The following UVRAG variants were observed in gnomAD, a reference collection of about 807,000 sequenced individuals.
UVRAG encodes UV radiation resistance associated.
Under a neutral mutation model 78.0 loss-of-function variants are expected in UVRAG, and 19 were observed. The ratio of observed to expected loss-of-function variants is 0.24; its 90% confidence interval spans 0.17 to 0.36. UVRAG has a LOEUF of 0.36. UVRAG is among the 10% of genes least tolerant of loss of function. The probability of loss-of-function intolerance (pLI) is 1.00; values close to 1 mark genes in which losing one functional copy is unlikely to be tolerated. For missense variants in UVRAG, 740 were observed against 853.8 expected (o/e 0.87, Z 1.66); for synonymous variants, 323 against 324.6 (o/e 1.00, Z 0.05).
chr11:76,084,497 A>G (rs1038551699), intron 13 of UVRAG, among the ~76,000 whole-genome samples: 1 of 152,164 alleles, frequency 6.6e-6, no homozygotes, highest in Admixed American at 6.5e-5. Context: ...TAAAATATAC[A>G]TACTATCATT....
intron 13 of UVRAG, among the ~76,000 whole-genome samples, chr11:76,111,956 G>A (rs1386923393): frequency 7.6e-5 from 11 of 144,646 alleles, no homozygotes; most frequent in Non-Finnish European, 1.4e-4. Context: ...AGAGGGTAAA[G>A]TGAAAAAAAA....
chr11:75,865,235 C>T (rs1401716213), intron 3 of UVRAG, among the ~76,000 whole-genome samples: 1 of 140,486 alleles, frequency 7.1e-6, no homozygotes, highest in Non-Finnish European at 1.5e-5. Context: ...TGCGGTGAGC[C>T]GAGATCGTGC....
chr11:75,842,327 G>A (rs1945933132), intron 1 of UVRAG, among the ~76,000 whole-genome samples: 2 of 152,062 alleles, frequency 1.3e-5, no homozygotes, highest in Admixed American at 1.3e-4. Context: ...GTCACAAGGT[G>A]GAATATTTAT....
At chr11:75,878,537 C>G (rs181852024) in intron 3 of UVRAG, 4 of 182,030 alleles carry the variant, frequency 2.2e-5, no homozygotes, top group South Asian at 1.0e-4. Context: ...TGTAGCGAGC[C>G]GAGATCACGC....
chr11:75,969,744 C>G (rs1042037600), intron 7 of UVRAG, among the ~76,000 whole-genome samples: 2 of 152,098 alleles, frequency 1.3e-5, no homozygotes, highest in African/African-American at 4.8e-5. Flanking sequence ...AGTAAGAAAG[C>G]ATCTTGGGTG....
At chr11:75,883,370 AAAAAAAAAAAAAGAAAAG>A (rs1457219946) in intron 4 of UVRAG, among the ~76,000 whole-genome samples, 2 of 138,340 alleles carry the variant, frequency 1.4e-5, no homozygotes, top group African/African-American at 2.9e-5. Flanking sequence ...AACAGAGAAC[AAAAAAAAAAAAAGAAAAG>A]AAAAAAAAAA....
chr11:75,815,829 C>G (rs1042851295), intron 1 of UVRAG, among the ~76,000 whole-genome samples: 1 of 152,170 alleles, frequency 6.6e-6, no homozygotes, highest in Non-Finnish European at 1.5e-5. Flanking sequence ...CGCAGGGAGC[C>G]GGGGATTGCC....
chr11:76,029,893 C>T (rs1950400988), intron 12 of UVRAG, among the ~76,000 whole-genome samples: 1 of 152,170 alleles, frequency 6.6e-6, no homozygotes, highest in Non-Finnish European at 1.5e-5. Context: ...GTCACAGCCA[C>T]TCCAACCTTC....
intron 6 of UVRAG, among the ~76,000 whole-genome samples, chr11:75,930,437 TTAAA>T (rs1476492511): frequency 1.3e-5 from 2 of 152,236 alleles, no homozygotes; most frequent in Non-Finnish European, 2.9e-5. Context: ...ATAGCTGACT[TTAAA>T]TATTGCGTTT....
intron 6 of UVRAG, among the ~76,000 whole-genome samples, chr11:75,946,622 A>G (rs1948593712): frequency 2.0e-5 from 3 of 152,162 alleles, no homozygotes; most frequent in South Asian, 4.1e-4. Context: ...TTAAGCTCCC[A>G]TGGTTTTTGG....
At chr11:75,819,890 C>A (rs1424234972) in intron 1 of UVRAG, among the ~76,000 whole-genome samples, 1 of 152,076 alleles carries the variant, frequency 6.6e-6, no homozygotes, top group East Asian at 1.9e-4. Context: ...ATTGCTTGAA[C>A]CTGGGAGGCA....
chr11:75,834,833 C>T (rs1945743620), intron 1 of UVRAG, among the ~76,000 whole-genome samples: 1 of 151,890 alleles, frequency 6.6e-6, no homozygotes, highest in Non-Finnish European at 1.5e-5. Flanking sequence ...AAAAAACAAA[C>T]CAACAAAAAA....
intron 6 of UVRAG, among the ~76,000 whole-genome samples, chr11:75,935,476 T>TCA (rs928836632): frequency 9.4e-5 from 14 of 148,184 alleles, no homozygotes; most frequent in African/African-American, 3.4e-4. Context: ...TCTCTCTTTC[T>TCA]CTCTCTCTCT....
intron 6 of UVRAG, among the ~76,000 whole-genome samples, chr11:75,922,370 T>G (rs560652098): frequency 1.3e-5 from 2 of 152,288 alleles, no homozygotes; most frequent in South Asian, 4.1e-4. Context: ...AAAGCTATAC[T>G]TCTAGGAAAA....
intron 6 of UVRAG, among the ~76,000 whole-genome samples, chr11:75,949,271 C>G (rs1262894134): frequency 6.6e-6 from 1 of 152,090 alleles, no homozygotes; most frequent in Non-Finnish European, 1.5e-5. Flanking sequence ...CTGCTTCTCC[C>G]TGGATATTCT....
intron 6 of UVRAG, among the ~76,000 whole-genome samples, chr11:75,925,067 G>A (rs1948067608): frequency 6.6e-6 from 1 of 152,092 alleles, no homozygotes; most frequent in African/African-American, 2.4e-5. Context: ...TTTAATTTTG[G>A]CTTGAATTCA....
chr11:76,030,257 T>G (rs1375839457), intron 12 of UVRAG, among the ~76,000 whole-genome samples: 1 of 152,050 alleles, frequency 6.6e-6, no homozygotes, highest in African/African-American at 2.4e-5. Flanking sequence ...GATCTCAAAC[T>G]CCTGGCATCA....
intron 1 of UVRAG, among the ~76,000 whole-genome samples, chr11:75,825,936 A>G (rs999048284): frequency 8.0e-4 from 121 of 152,004 alleles, no homozygotes; most frequent in Non-Finnish European, 1.1e-3. Context: ...TCCTGGGTTC[A>G]AGCGATTCTC....
intron 6 of UVRAG, among the ~76,000 whole-genome samples, chr11:75,958,628 G>A (rs1255276776): frequency 6.6e-6 from 1 of 152,064 alleles, no homozygotes; most frequent in African/African-American, 2.4e-5. Context: ...CATCCATGAG[G>A]GTTGGAATCA....
Sources: allele counts gnomAD v4.1 joint callset (sites outside exome capture counted in the v4.1 genomes callset), GRCh38; gene constraint gnomAD v4.1.1; transcripts MANE v1.5; gene names NCBI Gene and HGNC (gene_info 2026-07-23, HGNC 2026-07-21).